The following RBFOX1 variants were observed in gnomAD, a reference collection of about 807,000 sequenced individuals.
The protein encoded by RBFOX1 is RNA binding fox-1 homolog 1.
Under a neutral mutation model 57.7 loss-of-function variants are expected in RBFOX1, and 8 were observed. The ratio of observed to expected loss-of-function variants is 0.14; its 90% CI spans 0.08 to 0.25. The LOEUF is 0.25. Among genes scored for constraint, RBFOX1 ranks in the 10% least tolerant of loss-of-function variants. The pLI is 1.00. For synonymous variants in RBFOX1, 326 were observed against 222.4 expected, an observed-to-expected ratio of 1.47 and a Z score of -4.15; for missense variants, 611 against 548.5, an observed-to-expected ratio of 1.11 and a Z score of -1.14.
intron 12 of RBFOX1, among the ~76,000 whole-genome samples, chr16:7,663,633 A>G (rs554961496): frequency 1.9e-4 from 29 of 152,220 alleles, no homozygotes; most frequent in South Asian, 6.2e-4. Context: ...TTGTGTTTCT[A>G]TTAGAACCTC....
rs150897656 is a variant in RBFOX1 at position 6,311,681 on chromosome 16, A to G, written c.-126-5314A>G. On this transcript the variant is annotated intron_variant, in intron 1 of 15. Coordinates refer to ENST00000550418, the MANE Select transcript of RBFOX1 (RefSeq NM_018723.4). ...GTCCAGGAAGGCATGAATCTTTCGC[A>G]TGGCAGACTGAGGCCCATCAGATAC... 1.2e-3 allele frequency among the ~76,000 whole-genome samples: 186 copies of G among 152,304 alleles called. 1 individual carries two copies. Among genetic ancestry groups the G allele is most frequent in the African/African-American group, 3.9e-3 (161 of 41,578 alleles).
chr16:5,819,043 C>T (rs893389620), intron 3 of RBFOX1, among the ~76,000 whole-genome samples: 1 of 152,160 alleles, frequency 6.6e-6, no homozygotes, highest in Admixed American at 6.5e-5. Flanking sequence ...GCTTTCTCTC[C>T]ATCCACAGGT....
intron 4 of RBFOX1, among the ~76,000 whole-genome samples, chr16:5,872,041 T>G (rs1158262069): frequency 6.6e-6 from 1 of 152,190 alleles, no homozygotes; most frequent in Admixed American, 6.5e-5. Flanking sequence ...TAGGAATCAT[T>G]TATTTCTCTT....
chr16:7,479,617 C>G (rs1323275919), intron 4 of RBFOX1, among the ~76,000 whole-genome samples: 1 of 152,130 alleles, frequency 6.6e-6, no homozygotes, highest in Non-Finnish European at 1.5e-5. Flanking sequence ...CTCACCACAG[C>G]TCAGAGATGG....
intron 3 of RBFOX1, among the ~76,000 whole-genome samples, chr16:5,619,317 G>A (rs1284356182): frequency 1.2e-4 from 18 of 152,102 alleles, no homozygotes; most frequent in African/African-American, 4.1e-4. Flanking sequence ...GGAACGGAGG[G>A]CCTGAGTTCC....
chr16:6,621,421 G>A (rs527256445), intron 2 of RBFOX1, among the ~76,000 whole-genome samples: 10 of 152,276 alleles, frequency 6.6e-5, no homozygotes, highest in Non-Finnish European at 1.0e-4. Context: ...CCAAGATTGC[G>A]CCACTGCGCT....
chr16:7,262,266 G>A (rs2094946756), intron 4 of RBFOX1, among the ~76,000 whole-genome samples: 1 of 151,192 alleles, frequency 6.6e-6, no homozygotes, highest in African/African-American at 2.4e-5. Context: ...GGTTGCTGTT[G>A]TTAAATCATT....
intron 1 of RBFOX1, among the ~76,000 whole-genome samples, chr16:5,462,468 G>A (rs1176455343): frequency 6.6e-6 from 1 of 151,812 alleles, no homozygotes; most frequent in African/African-American, 2.4e-5. Context: ...GCGCCCGGCC[G>A]AAACCCAGTG....
intron 4 of RBFOX1, among the ~76,000 whole-genome samples, chr16:5,915,536 G>A (rs1299543409): frequency 6.6e-6 from 1 of 152,132 alleles, no homozygotes; most frequent in East Asian, 1.9e-4. Context: ...AGTCAGAGAA[G>A]TTTATAGAAG....
At chr16:6,599,880 G>A (rs2097828544) in intron 2 of RBFOX1, among the ~76,000 whole-genome samples, 2 of 152,172 alleles carry the variant, frequency 1.3e-5, no homozygotes, top group South Asian at 2.1e-4. Flanking sequence ...AACTAGAACA[G>A]CACCCTGCAC....
At chr16:7,289,193 G>C (rs2095710577) in intron 4 of RBFOX1, among the ~76,000 whole-genome samples, 1 of 152,176 alleles carries the variant, frequency 6.6e-6, no homozygotes, top group African/African-American at 2.4e-5. Context: ...TATTACATTT[G>C]CTTCCTTAGT....
intron 4 of RBFOX1, among the ~76,000 whole-genome samples, chr16:7,303,759 C>G (rs1423879463): frequency 2.0e-5 from 3 of 146,460 alleles, no homozygotes; most frequent in African/African-American, 7.5e-5. Context: ...CCCTCCCTCT[C>G]GCTCTCTCTC....
intron 2 of RBFOX1, among the ~76,000 whole-genome samples, chr16:5,565,734 G>C (rs2046044701): frequency 1.3e-5 from 2 of 151,958 alleles, no homozygotes; most frequent in Admixed American, 6.6e-5. Flanking sequence ...AGCTTTCCTG[G>C]AATCTCCTCT....
At chr16:6,860,899 T>G (rs1213098873) in intron 3 of RBFOX1, among the ~76,000 whole-genome samples, 1 of 152,122 alleles carries the variant, frequency 6.6e-6, no homozygotes, top group Non-Finnish European at 1.5e-5. Flanking sequence ...AAATATACAT[T>G]TATATGTATT....
chr16:7,535,830 T>C (rs923881469), intron 5 of RBFOX1, among the ~76,000 whole-genome samples: 1 of 152,236 alleles, frequency 6.6e-6, no homozygotes, highest in Non-Finnish European at 1.5e-5. Context: ...GCCTTATTCA[T>C]CACTTTTATT....
intron 3 of RBFOX1, among the ~76,000 whole-genome samples, chr16:5,639,762 G>A (rs2048800905): frequency 6.6e-6 from 1 of 152,220 alleles, no homozygotes. Context: ...ATTTACTGGA[G>A]TGTCTGGCAA....
intron 3 of RBFOX1, among the ~76,000 whole-genome samples, chr16:5,654,552 T>C (rs1206548074): frequency 6.6e-6 from 1 of 152,140 alleles, no homozygotes; most frequent in East Asian, 1.9e-4. Flanking sequence ...CACAGGACTT[T>C]CTGGTTCAAG....
chr16:7,392,007 C>G (rs1379999879), intron 4 of RBFOX1, among the ~76,000 whole-genome samples: 3 of 152,208 alleles, frequency 2.0e-5, no homozygotes, highest in Non-Finnish European at 4.4e-5. Flanking sequence ...TCTTCCTTCC[C>G]CTCCTGCCTT....
intron 3 of RBFOX1, among the ~76,000 whole-genome samples, chr16:5,798,804 G>T (rs150302433): frequency 6.6e-6 from 1 of 152,176 alleles, no homozygotes; most frequent in Non-Finnish European, 1.5e-5. Context: ...GAGCTGTGAG[G>T]TTCCTCCCAG....
Sources: gnomAD v4.1 joint callset for allele counts (sites outside exome capture counted in the v4.1 genomes callset) on GRCh38, gnomAD v4.1.1 for gene constraint, MANE v1.5 for transcripts, NCBI Gene and HGNC (gene_info 2026-07-23, HGNC 2026-07-21) for gene names.